MRPS28: variants seen among roughly 807,000 people sequenced by gnomAD.
MRPS28 encodes the protein mitochondrial ribosomal protein S28.
In MRPS28, 7 loss-of-function variants were observed where a neutral mutation model predicts 10.8. The observed-to-expected ratio is 0.65, with a 90% CI of 0.37 to 1.22. The LOEUF is 1.22. Among genes scored for constraint, MRPS28 ranks in the 50% most tolerant of loss-of-function variants. MRPS28 has a pLI of 0.02. For synonymous variants in MRPS28, 121 were observed against 93.3 expected, an observed-to-expected ratio of 1.30 and a Z score of -1.71; for missense variants, 265 against 232.9, an observed-to-expected ratio of 1.14 and a Z score of -0.90.
At chr8:79,950,458 T>G (rs980079955) in intron 2 of MRPS28, among the ~76,000 whole-genome samples, 1 of 152,196 alleles carries the variant, frequency 6.6e-6, no homozygotes, top group Non-Finnish European at 1.5e-5. Context: ...AGGGTATAAT[T>G]CTCTAGATAA....
chr8:79,982,815 T>A (rs958226800), intron 2 of MRPS28, among the ~76,000 whole-genome samples: 1 of 152,186 alleles, frequency 6.6e-6, no homozygotes, highest in Non-Finnish European at 1.5e-5. Context: ...CCTGCCTTTG[T>A]AGGCTCCACC....
In MRPS28 at chr8:79,926,825, T is replaced by TA. The variant is rs564471083; in HGVS notation, c.396-7678dup. On this transcript the variant is annotated intron_variant, in intron 2 of 2. Coordinates refer to ENST00000276585, the MANE Select transcript of MRPS28 (RefSeq NM_014018.3). ...GGAATATTTTTAAAGTTGTTTTTCT[T>TA]AAAAAGAAAATACTGATGGCCTGGG... is the stretch of plus-strand genomic sequence containing the variant. 3.0e-3 allele frequency among the ~76,000 whole-genome samples: 453 copies of TA among 152,296 alleles called. 13 individuals are homozygous for TA. The highest frequency in any genetic ancestry group is 4.6e-4 in the Non-Finnish European group (31 of 68,028).
At chr8:79,929,632 A>C (rs1031212839) in intron 2 of MRPS28, among the ~76,000 whole-genome samples, 10 of 151,288 alleles carry the variant, frequency 6.6e-5, no homozygotes, top group Admixed American at 6.6e-4. Flanking sequence ...AAAAGCAGAA[A>C]TAAGACAAAC....
intron 1 of MRPS28, among the ~76,000 whole-genome samples, chr8:80,020,669 T>A (rs969600636): frequency 2.0e-5 from 3 of 152,112 alleles, no homozygotes; most frequent in African/African-American, 7.2e-5. Flanking sequence ...CAATCTATAC[T>A]AGGGAAGACC....
intron 2 of MRPS28, among the ~76,000 whole-genome samples, chr8:79,987,291 A>C (rs1048827742): frequency 5.8e-4 from 89 of 152,196 alleles, no homozygotes; most frequent in Non-Finnish European, 9.9e-4. Flanking sequence ...TGGATTAAAG[A>C]CTTAAATGTT....
rs760086849 is a variant in MRPS28, at chr8:79,929,397, G to A, written c.396-10249C>T. Among the ~76,000 whole-genome samples, 63 of 152,078 alleles carry A rather than the reference G, an allele frequency of 4.1e-4. 1 individual carries two copies. The highest frequency in any genetic ancestry group is 4.7e-4 in the Non-Finnish European group (32 of 68,006). ...TCTAGACTACTGTGACCTGCTCCGT[G>A]CAACACAATTAGAGGGTCATTGATA... On this transcript the variant is annotated intron_variant, in intron 2 of 2. Transcript: ENST00000276585.
chr8:79,989,333 C>T (rs1304292230), intron 2 of MRPS28, among the ~76,000 whole-genome samples: 1 of 152,144 alleles, frequency 6.6e-6, no homozygotes, highest in East Asian at 1.9e-4. Flanking sequence ...ACGTTAAAAG[C>T]TGCAATTTTA....
intron 2 of MRPS28, among the ~76,000 whole-genome samples, chr8:79,998,115 A>T (rs1483864630): frequency 6.6e-6 from 1 of 152,148 alleles, no homozygotes; most frequent in African/African-American, 2.4e-5. Flanking sequence ...TTTGCTAAAC[A>T]TATACCTCAA....
chr8:79,997,771 C>G (rs575399964), intron 2 of MRPS28, among the ~76,000 whole-genome samples: 94 of 152,192 alleles, frequency 6.2e-4, no homozygotes, highest in African/African-American at 2.2e-3. Context: ...ATGAGTACAA[C>G]TAGGCCGGGC....
chr8:79,967,598 G>C (rs1434811935), intron 2 of MRPS28, among the ~76,000 whole-genome samples: 1 of 152,178 alleles, frequency 6.6e-6, no homozygotes, highest in Non-Finnish European at 1.5e-5. Flanking sequence ...CATGTGCTAC[G>C]TGTGTGCAAC....
At chr8:79,997,581 C>A (rs1586085703) in intron 2 of MRPS28, among the ~76,000 whole-genome samples, 1 of 151,678 alleles carries the variant, frequency 6.6e-6, no homozygotes, top group African/African-American at 2.4e-5. Flanking sequence ...ACAAAAAACT[C>A]TCTCCTTTCT....
At chr8:79,953,677 A>T (rs1199277358) in intron 2 of MRPS28, among the ~76,000 whole-genome samples, 5 of 152,238 alleles carry the variant, frequency 3.3e-5, no homozygotes, top group Admixed American at 1.3e-4. Context: ...AACTGAACAC[A>T]AAAAGTATTA....
chr8:80,022,766 T>G (rs1469063100), intron 1 of MRPS28, among the ~76,000 whole-genome samples: 1 of 152,146 alleles, frequency 6.6e-6, no homozygotes, highest in Non-Finnish European at 1.5e-5. Context: ...AAAATTAAAG[T>G]GATTAAAAGA....
At chr8:79,932,008 CT>C (rs1806476051) in intron 2 of MRPS28, among the ~76,000 whole-genome samples, 3 of 152,176 alleles carry the variant, frequency 2.0e-5, no homozygotes, top group Admixed American at 2.0e-4. Flanking sequence ...GAATATGAGT[CT>C]TGAGAAAGAT....
At chr8:79,963,631 A>G (rs1460792124) in intron 2 of MRPS28, among the ~76,000 whole-genome samples, 1 of 152,138 alleles carries the variant, frequency 6.6e-6, no homozygotes, top group Non-Finnish European at 1.5e-5. Context: ...TGCCTCAAAC[A>G]GCACTGTTGA....
At chr8:79,983,278 C>G (rs1808031161) in intron 2 of MRPS28, among the ~76,000 whole-genome samples, 2 of 152,162 alleles carry the variant, frequency 1.3e-5, no homozygotes, top group East Asian at 3.9e-4. Context: ...ATCTGTACAT[C>G]ACCATCATCA....
chr8:79,970,811 A>G (rs960726066), intron 2 of MRPS28, among the ~76,000 whole-genome samples: 13 of 149,260 alleles, frequency 8.7e-5, no homozygotes, highest in African/African-American at 2.7e-4. Flanking sequence ...TGCTATAAAT[A>G]AAGTCTGTGG....
chr8:79,920,314 G>C (rs1810055165), intron 2 of MRPS28, among the ~76,000 whole-genome samples: 2 of 152,160 alleles, frequency 1.3e-5, no homozygotes, highest in Non-Finnish European at 1.5e-5. Flanking sequence ...CCAGTAATGA[G>C]ATGGCTGGGT....
intron 1 of MRPS28, among the ~76,000 whole-genome samples, chr8:80,008,125 TACAACTA>T (rs1218813116): frequency 1.3e-5 from 2 of 152,184 alleles, no homozygotes; most frequent in African/African-American, 4.8e-5. Context: ...GCCGTGTATC[TACAACTA>T]TCTGATCTTT....
Sources: allele counts gnomAD v4.1 joint callset (sites outside exome capture counted in the v4.1 genomes callset), GRCh38; gene constraint gnomAD v4.1.1; transcripts MANE v1.5; gene names NCBI Gene and HGNC (gene_info 2026-07-23, HGNC 2026-07-21).